The following GRIP1 variants were observed in gnomAD, a reference collection of about 807,000 sequenced individuals.
The protein encoded by GRIP1 is glutamate receptor interacting protein 1, also known as glutamate receptor-interacting protein 1.
GRIP1 carries 45 observed loss-of-function variants against 129.9 expected under a neutral mutation model. The ratio of observed to expected loss-of-function variants is 0.35; its 90% CI spans 0.27 to 0.44. GRIP1 has a LOEUF of 0.44. Ranked by LOEUF, GRIP1 falls within the 20% of genes least tolerant of loss-of-function variation. GRIP1 has a pLI of 1.00. For synonymous variants in GRIP1, 530 were observed against 520.8 expected (o/e 1.02, Z -0.24); for missense variants, 1,196 against 1,396.8 (o/e 0.86, Z 2.29).
chr12:66,804,222 A>G (rs775952638), upstream of GRIP1: 7 of 437,246 alleles, frequency 1.6e-5, no homozygotes, highest in Non-Finnish European at 2.8e-5. Context: ...AGCTAGCACA[A>G]GAGCACAGCA....
At chr12:66,899,249 G>A (rs904909380) in intron 1 of GRIP1, among the ~76,000 whole-genome samples, 3 of 152,138 alleles carry the variant, frequency 2.0e-5, no homozygotes. Context: ...AAGGCTTAAA[G>A]GGAGCTCTCT....
intron 1 of GRIP1, among the ~76,000 whole-genome samples, chr12:66,917,419 T>C (rs1566077874): frequency 6.6e-6 from 1 of 152,190 alleles, no homozygotes; most frequent in Admixed American, 6.5e-5. Flanking sequence ...TTGCCAGAGA[T>C]AGAGAGAAAA....
At chr12:66,521,618 C>G (rs966167134) in intron 5 of GRIP1, among the ~76,000 whole-genome samples, 3 of 152,142 alleles carry the variant, frequency 2.0e-5, no homozygotes, top group Non-Finnish European at 4.4e-5. Flanking sequence ...TCTGAGGTAC[C>G]AGGTTCATCT....
chr12:66,522,635 C>G (rs1175909003), intron 5 of GRIP1, among the ~76,000 whole-genome samples: 2 of 152,224 alleles, frequency 1.3e-5, no homozygotes, highest in African/African-American at 4.8e-5. Context: ...TGCCTCTCCT[C>G]TTCCAAAGGA....
At chr12:66,356,983 TCTC>T (rs2054519025) in intron 23 of GRIP1, among the ~76,000 whole-genome samples, 1 of 152,094 alleles carries the variant, frequency 6.6e-6, no homozygotes, top group South Asian at 2.1e-4. Context: ...TTCAAGCAAT[TCTC>T]CTATCTCAGC....
chr12:67,004,237 G>A (rs889780424), intron 1 of GRIP1, among the ~76,000 whole-genome samples: 2 of 152,060 alleles, frequency 1.3e-5, no homozygotes, highest in Non-Finnish European at 2.9e-5. Context: ...AGTACAGTAC[G>A]ACACTTAAAA....
At chr12:66,379,007 G>T (rs1406558933) in intron 20 of GRIP1, among the ~76,000 whole-genome samples, 2 of 152,072 alleles carry the variant, frequency 1.3e-5, no homozygotes. Flanking sequence ...TTGTCATAAG[G>T]AAGGGAGTGC....
chr12:66,777,736 A>G (rs934901654), intron 1 of GRIP1, among the ~76,000 whole-genome samples: 3 of 152,208 alleles, frequency 2.0e-5, no homozygotes, highest in Admixed American at 6.5e-5. Flanking sequence ...ACCTACACAC[A>G]CACGAACACA....
At chr12:66,765,139 A>AC (rs11420060) in intron 1 of GRIP1, among the ~76,000 whole-genome samples, 1 of 88,664 alleles carries the variant, frequency 1.1e-5, no homozygotes, top group Non-Finnish European at 2.7e-5. Flanking sequence ...TTGAAATCAC[A>AC]TTTGGTCTTC....
intron 1 of GRIP1, among the ~76,000 whole-genome samples, chr12:66,861,632 T>C (rs1346918445): frequency 6.6e-6 from 1 of 152,158 alleles, no homozygotes; most frequent in Non-Finnish European, 1.5e-5. Flanking sequence ...AAGAAAAATC[T>C]AGTTTTCTTA....
At chr12:66,389,064 C>A (rs1286998319) in intron 19 of GRIP1, among the ~76,000 whole-genome samples, 1 of 152,162 alleles carries the variant, frequency 6.6e-6, no homozygotes, top group South Asian at 2.1e-4. Context: ...AACAAGGCAA[C>A]TATTACAGCC....
At position 66,817,202 on chromosome 12, in the gene GRIP1, G is replaced by GCGCA. The variant is rs1453307121; in HGVS notation, c.59-220276_59-220275insTGCG. 4.2e-3 allele frequency among the ~76,000 whole-genome samples: 575 copies of GCGCA among 136,218 alleles called. 4 individuals carry two copies. The highest frequency in any genetic ancestry group is 0.015 in the African/African-American group (539 of 37,138). The allele number at this position is 136,218 out of a possible 152,430, so 89.4% of individuals were successfully genotyped here. ...TATATATATACATAATTTTCAGTAT[G>GCGCA]CACACACACACACACACACACACAC... is the stretch of plus-strand genomic sequence containing the variant. On this transcript the variant is annotated intron_variant, in intron 1 of 1. Coordinates refer to the GRIP1 transcript ENST00000643019.
In GRIP1 at chr12:66,859,279, AAAAACAAAAAAACAAAAAAAC is replaced by A. The variant is rs1566054603; in HGVS notation, c.58+209750_58+209770del. Among the ~76,000 whole-genome samples, 17 of 13,508 alleles carry A rather than the reference AAAAACAAAAAAACAAAAAAAC, an allele frequency of 1.3e-3. 1 individual carries two copies. Among genetic ancestry groups the A allele is most frequent in the Admixed American group, 2.5e-3 (2 of 788 alleles). 8.9% of individuals were successfully genotyped at this position (13,508 alleles called of 152,430 possible). A position where few individuals can be genotyped will look rare whatever the true frequency, so the allele number is the denominator to read the frequency against. ...TTTCTGAAAAAAAACAAAAAAACAA[AAAAACAAAAAAACAAAAAAAC>A]AAAAAAAAACCAGTATTAGCCATCA... On this transcript the variant is annotated intron_variant, in intron 1 of 1. Transcript: ENST00000643019.
At chr12:66,527,765 T>C (rs1476449060) in intron 5 of GRIP1, among the ~76,000 whole-genome samples, 1 of 151,898 alleles carries the variant, frequency 6.6e-6, no homozygotes, top group Non-Finnish European at 1.5e-5. Flanking sequence ...TGAGTACACA[T>C]GGACACAAAG....
At chr12:67,059,663 C>G (rs12303485) in intron 1 of GRIP1, among the ~76,000 whole-genome samples, 4,227 of 152,262 alleles carry the variant, frequency 0.028, 203 homozygotes, top group African/African-American at 0.097. Context: ...AAGGTAAAAG[C>G]AGTTATGGGA....
chr12:66,735,037 AG>A (rs1208396015), intron 1 of GRIP1, among the ~76,000 whole-genome samples: 1 of 152,200 alleles, frequency 6.6e-6, no homozygotes, highest in Non-Finnish European at 1.5e-5. Flanking sequence ...CAATCCTGTG[AG>A]GTGGGTACTT....
intron 1 of GRIP1, among the ~76,000 whole-genome samples, chr12:66,661,558 A>C (rs761242848): frequency 1.5e-4 from 23 of 152,076 alleles, no homozygotes; most frequent in Non-Finnish European, 2.4e-4. Flanking sequence ...TAGAGAATTT[A>C]GCATAATCTT....
At chr12:66,794,530 T>C (rs1250732443) in intron 1 of GRIP1, among the ~76,000 whole-genome samples, 1 of 152,076 alleles carries the variant, frequency 6.6e-6, no homozygotes, top group Admixed American at 6.6e-5. Flanking sequence ...TTTGAAGCAA[T>C]GGGAAGTGTA....
chr12:66,463,900 G>T (rs2059207735), intron 8 of GRIP1, among the ~76,000 whole-genome samples: 1 of 152,304 alleles, frequency 6.6e-6, no homozygotes, highest in South Asian at 2.1e-4. Context: ...AACAGAGGGA[G>T]AAAATTAAAG....
Sources: gnomAD v4.1 joint callset for allele counts (sites outside exome capture counted in the v4.1 genomes callset) on GRCh38, gnomAD v4.1.1 for gene constraint, MANE v1.5 for transcripts, NCBI Gene and HGNC (gene_info 2026-07-23, HGNC 2026-07-21) for gene names.